Variants in ODAD2 observed in about 807,000 individuals in gnomAD.
The protein encoded by ODAD2 is outer dynein arm docking complex subunit 2, also known as outer dynein arm-docking complex subunit 2.
ODAD2 carries 89 observed loss-of-function variants against 106.8 expected under a neutral mutation model. That is an observed-to-expected ratio of 0.83 (90% CI 0.70 to 0.99). The LOEUF (loss-of-function observed/expected upper bound fraction) is 0.99, where lower values mean the gene tolerates loss of function less well. ODAD2 is among the 50% of genes least tolerant of loss of function. ODAD2 has a pLI of 0.00. For synonymous variants in ODAD2, 404 were observed against 436.2 expected (o/e 0.93, Z 0.92); for missense variants, 1,168 against 1,238.5 (o/e 0.94, Z 0.85).
intron 10 of ODAD2, among the ~76,000 whole-genome samples, chr10:27,959,958 A>T (rs2132827940): frequency 6.6e-6 from 1 of 152,288 alleles, no homozygotes; most frequent in Middle Eastern, 3.4e-3. Flanking sequence ...TGTGCACCTG[A>T]TATAGAAATT....
chr10:27,956,594 C>T (rs1004991686), intron 10 of ODAD2, among the ~76,000 whole-genome samples: 2 of 152,172 alleles, frequency 1.3e-5, no homozygotes, highest in African/African-American at 4.8e-5. Context: ...AAGCATAATT[C>T]TAGGCCCAGC....
chr10:27,919,658 C>T (rs1698856214), intron 16 of ODAD2, among the ~76,000 whole-genome samples: 1 of 152,102 alleles, frequency 6.6e-6, no homozygotes, highest in African/African-American at 2.4e-5. Context: ...ACTGACAACA[C>T]TAAGTATTGG....
rs182999177 is a variant in ODAD2, at chr10:27,974,306, T to C, written c.937-2993A>G. On this transcript the variant is annotated intron_variant, in intron 7 of 19. Coordinates refer to ENST00000305242, the MANE Select transcript of ODAD2 (RefSeq NM_018076.5). The stretch of plus-strand genomic sequence containing the variant: ...TCCCACTTGTCAATTTTTGCTTTTG[T>C]TGCAATTGCAAATGGTATTGCCTAG... Among the ~76,000 whole-genome samples the C allele has an allele frequency of 1.6e-3, 240 of 152,212 alleles. 1 individual carries two copies. The highest frequency in any genetic ancestry group is 5.5e-3 in the African/African-American group (230 of 41,572).
In ODAD2 at chr10:27,985,324, T is replaced by G. The variant is rs1409904163; in HGVS notation, c.383-113A>C. The G allele has an allele frequency of 3.2e-6, 3 of 929,212 alleles. No homozygotes were observed. The Admixed American group carries it at 9.2e-5, about 28-fold the overall frequency. The allele number at this position is 929,212 out of a possible 1,614,324, so 57.6% of individuals were successfully genotyped here. On this transcript the variant is annotated intron_variant, in intron 3 of 19. Transcript: ENST00000305242. ...GTCCATTCAGACGTGTTTCTTTCAT[T>G]AAGCTTTTTCTAAACGACCCAATTA...
intron 19 of ODAD2, among the ~76,000 whole-genome samples, chr10:27,823,504 T>C (rs1486265031): frequency 6.6e-6 from 1 of 152,206 alleles, no homozygotes; most frequent in Non-Finnish European, 1.5e-5. Context: ...ACCTTAGTTT[T>C]CTTATCAGTA....
intron 16 of ODAD2, among the ~76,000 whole-genome samples, chr10:27,916,855 G>A (rs1181861520): frequency 2.6e-5 from 4 of 152,090 alleles, no homozygotes; most frequent in African/African-American, 7.2e-5. Flanking sequence ...TCGACTGCAT[G>A]GAGGGTTAGC....
intron 10 of ODAD2, among the ~76,000 whole-genome samples, chr10:27,946,329 C>A (rs138802068): frequency 6.6e-6 from 1 of 151,368 alleles, no homozygotes; most frequent in African/African-American, 2.4e-5. Flanking sequence ...CTCCATAGCA[C>A]GAGCTTGTGC....
At chr10:27,816,360 G>A (rs1288318936) in intron 19 of ODAD2, among the ~76,000 whole-genome samples, 2 of 152,186 alleles carry the variant, frequency 1.3e-5, no homozygotes, top group African/African-American at 4.8e-5. Context: ...CTGTATGAGG[G>A]AAACAGGGAA....
At chr10:27,837,198 G>A (rs891993774) in intron 19 of ODAD2, among the ~76,000 whole-genome samples, 6 of 152,324 alleles carry the variant, frequency 3.9e-5, no homozygotes, top group African/African-American at 1.4e-4. Context: ...CCCTGTCTGT[G>A]CTGCCCTGTG....
chr10:27,928,790 C>T (rs765903108), intron 16 of ODAD2, among the ~76,000 whole-genome samples: 8 of 152,000 alleles, frequency 5.3e-5, no homozygotes, highest in East Asian at 1.9e-4. Flanking sequence ...CTATTTCTAC[C>T]GCAACAATAC....
intron 3 of ODAD2, among the ~76,000 whole-genome samples, chr10:27,986,800 AC>A (rs1849899616): frequency 6.6e-6 from 1 of 151,758 alleles, no homozygotes; most frequent in South Asian, 2.1e-4. Context: ...GATAGTGTGA[AC>A]ATCACATATT....
rs546160476 is a variant in ODAD2, at chr10:27,916,428, G to A, written c.2496-8651C>T. Among the ~76,000 whole-genome samples the A allele has an allele frequency of 1.5e-4, 23 of 152,186 alleles. No homozygotes were observed. In the South Asian group the frequency reaches 4.6e-3, roughly 30 times the overall value. The stretch of plus-strand genomic sequence containing the variant: ...GGAAATTGATCAAATAAGTAAGGAC[G>A]GAGGTCAGTTTCTCACTGTCAATGA... On this transcript the variant is annotated intron_variant, in intron 16 of 19. Transcript: ENST00000305242.
intron 16 of ODAD2, among the ~76,000 whole-genome samples, chr10:27,932,698 C>G (rs1375427667): frequency 2.0e-5 from 3 of 152,132 alleles, no homozygotes; most frequent in African/African-American, 2.4e-5. Context: ...TAAATATTAT[C>G]CTCCCCGAGT....
rs1835801848 is a variant in ODAD2, at chr10:27,812,292, A to T, written c.*220T>A. ...CTTATCACAGGTTTATTGGCTTTCC[A>T]TCTTATCACATGTCATATCTCGAAA... is the stretch of plus-strand genomic sequence containing the variant. On this transcript the variant is annotated 3_prime_UTR_variant, in exon 20 of 20. Transcript: ENST00000305242. 1 of 522,616 alleles carries T rather than the reference A, an allele frequency of 1.9e-6. No homozygotes were observed. Among genetic ancestry groups the T allele is most frequent in the African/African-American group, 2.0e-5 (1 of 49,808 alleles). 32.4% of individuals were successfully genotyped at this position (522,616 alleles called of 1,614,324 possible). A position where few individuals can be genotyped will look rare whatever the true frequency, so the allele number is the denominator to read the frequency against.
intron 4 of ODAD2, 27 bp downstream of exon 4, chr10:27,984,992 A>G: frequency 6.3e-7 from 1 of 1,584,434 alleles, no homozygotes; most frequent in Non-Finnish European, 8.6e-7. Flanking sequence ...TCAATACAAT[A>G]GAGGTTCCTT....
At chr10:27,915,641 G>A (rs960404303) in intron 16 of ODAD2, among the ~76,000 whole-genome samples, 4 of 152,066 alleles carry the variant, frequency 2.6e-5, no homozygotes, top group Admixed American at 6.6e-5. Context: ...GAAACAGTGA[G>A]GGCAAGAAGA....
At chr10:27,819,142 C>T (rs1836388383) in intron 19 of ODAD2, among the ~76,000 whole-genome samples, 1 of 152,088 alleles carries the variant, frequency 6.6e-6, no homozygotes, top group African/African-American at 2.4e-5. Context: ...TCTGATGATT[C>T]CCCCAGCCTT....
chr10:27,982,232 T>TGA (rs1849598063), intron 6 of ODAD2, among the ~76,000 whole-genome samples: 2 of 152,276 alleles, frequency 1.3e-5, no homozygotes, highest in East Asian at 3.9e-4. Context: ...CTGCAGTTTG[T>TGA]TATATATAAC....
chr10:27,880,869 A>G (rs1841657886), intron 17 of ODAD2, among the ~76,000 whole-genome samples: 1 of 152,220 alleles, frequency 6.6e-6, no homozygotes, highest in East Asian at 1.9e-4. Context: ...AGTTGCACCA[A>G]TACCAATTGA....
Sources: gnomAD v4.1 joint callset for allele counts (sites outside exome capture counted in the v4.1 genomes callset) on GRCh38, gnomAD v4.1.1 for gene constraint, MANE v1.5 for transcripts, NCBI Gene and HGNC (gene_info 2026-07-23, HGNC 2026-07-21) for gene names.